The following PCDHA6 variants were observed in gnomAD, a reference collection of about 807,000 sequenced individuals.
The protein encoded by PCDHA6 is protocadherin alpha 6.
A neutral mutation model predicts 60.3 loss-of-function variants in PCDHA6; 55 were observed. The observed-to-expected ratio is 0.91, with a 90% CI of 0.73 to 1.14. The LOEUF is 1.14. PCDHA6 is among the 50% of genes most tolerant of loss of function. PCDHA6 has a pLI of 0.00. For missense variants in PCDHA6, 1,327 were observed against 1,256.5 expected (o/e 1.06, Z -0.85); for synonymous variants, 652 against 557.9 (o/e 1.17, Z -2.38).
chr5:141,004,336 G>A (rs1554259546), intron 3 of PCDHA6, among the ~76,000 whole-genome samples: 1 of 152,224 alleles, frequency 6.6e-6, no homozygotes, highest in East Asian at 1.9e-4. Flanking sequence ...AGGCACAGTG[G>A]TCTGTGAGGG....
At chr5:140,926,872 AC>A in intron 1 of PCDHA6, 1 of 1,525,488 alleles carries the variant, frequency 6.6e-7, no homozygotes, top group Non-Finnish European at 8.8e-7. Flanking sequence ...TGTTGGTGGA[AC>A]GTGGACGCCT....
At chr5:140,843,377 G>A (rs2150358675) in intron 1 of PCDHA6, 17 of 1,596,146 alleles carry the variant, frequency 1.1e-5, no homozygotes, top group Middle Eastern at 1.7e-4. Context: ...GTCGGCTGGC[G>A]TTTTGGGTCC....
intron 1 of PCDHA6, among the ~76,000 whole-genome samples, chr5:140,923,952 C>T (rs1313695833): frequency 5.9e-5 from 9 of 152,178 alleles, no homozygotes; most frequent in Non-Finnish European, 1.0e-4. Context: ...TTTCCTCACG[C>T]CCTAATCTAT....
intron 1 of PCDHA6, among the ~76,000 whole-genome samples, chr5:140,937,847 A>G (rs2091797551): frequency 6.8e-6 from 1 of 148,000 alleles, no homozygotes; most frequent in Non-Finnish European, 1.5e-5. Flanking sequence ...GGAAGGCGGA[A>G]CTTGGAGTGA....
chr5:140,848,619 G>A (rs2150415128), intron 1 of PCDHA6: 2 of 1,593,396 alleles, frequency 1.3e-6, no homozygotes, highest in Admixed American at 1.7e-5. Context: ...AGCCGAACAC[G>A]GCACCTTCGT....
intron 1 of PCDHA6, among the ~76,000 whole-genome samples, chr5:140,945,356 G>A (rs1294877669): frequency 1.1e-4 from 16 of 151,976 alleles, no homozygotes; most frequent in Non-Finnish European, 1.9e-4. Flanking sequence ...AATTAATACT[G>A]TTTAAAATGT....
At chr5:140,864,698 T>A (rs2048569561) in intron 1 of PCDHA6, 1 of 152,250 alleles carries the variant, frequency 6.6e-6, no homozygotes, top group African/African-American at 2.4e-5. Flanking sequence ...CCAGTTTAAG[T>A]TGTTGAGCTC....
chr5:140,989,949 G>A (rs551733184), intron 3 of PCDHA6, among the ~76,000 whole-genome samples: 3 of 152,064 alleles, frequency 2.0e-5, no homozygotes, highest in South Asian at 2.1e-4. Context: ...CGTTTTTCTC[G>A]GTGAGACCAA....
intron 1 of PCDHA6, among the ~76,000 whole-genome samples, chr5:140,892,929 C>T (rs1259333006): frequency 2.6e-5 from 4 of 152,174 alleles, no homozygotes; most frequent in Non-Finnish European, 5.9e-5. Flanking sequence ...TTCCCAGCCT[C>T]TGATAAGCAC....
At position 141,010,202 on chromosome 5, in the gene PCDHA6, GC is replaced by G. The variant is rs1308553255; in HGVS notation, c.*267del. 6.4e-7 allele frequency: 1 copy of G among 1,551,944 alleles called. No individual in the cohort carries two copies. The highest frequency in any genetic ancestry group is 8.7e-7 in the Non-Finnish European group (1 of 1,147,050). The stretch of plus-strand genomic sequence containing the variant: ...CAGACCCAAGTTTCCTTTCTCCTCC[GC>G]CGCAAAGGAGAGGCTTCCCAGCCCC... On this transcript the variant is annotated 3_prime_UTR_variant, in exon 4 of 4. Transcript: ENST00000529310.
rs2150170634 is a variant in PCDHA6 at position 140,829,586 on chromosome 5, G to A, written c.1495G>A (p.Val499Met). ...GTCCTACTCGCTGGTGGAGCGGCGG[G>A]TGGGCGAGCGCGCGTTGTCGAGCTA... ...LVSYSLVERR[V>M]GERALSSYIS... is the part of the protein sequence containing the mutation. The change falls in exon 1 of 4, where the codon GTG becomes ATG. Residue 499 changes from valine (V) to methionine (M), a missense_variant. By Grantham distance (21) the Val-to-Met change is conservative (BLOSUM62 1). Coordinates refer to ENST00000529310, the MANE Select transcript of PCDHA6 (RefSeq NM_018909.4). 10 of 1,612,232 alleles carry A rather than the reference G, an allele frequency of 6.2e-6. No individual in the cohort carries two copies. Among genetic ancestry groups the A allele is most frequent in the Non-Finnish European group, 7.6e-6 (9 of 1,179,786 alleles).
At chr5:140,902,066 T>C (rs2069077660) in intron 1 of PCDHA6, among the ~76,000 whole-genome samples, 1 of 152,202 alleles carries the variant, frequency 6.6e-6, no homozygotes, top group Admixed American at 6.5e-5. Flanking sequence ...GCAACTTTAC[T>C]GAATTTATTG....
chr5:140,927,402 C>G, intron 1 of PCDHA6: 1 of 1,614,128 alleles, frequency 6.2e-7, no homozygotes, highest in Non-Finnish European at 8.5e-7. Context: ...AGCACTTTCG[C>G]CTGGACATGG....
chr5:140,945,659 G>C (rs2093824580), intron 1 of PCDHA6, among the ~76,000 whole-genome samples: 1 of 152,090 alleles, frequency 6.6e-6, no homozygotes, highest in Non-Finnish European at 1.5e-5. Context: ...GCAGAATACA[G>C]CTCCCAGAAA....
rs553967078 is a variant in PCDHA6, at chr5:140,856,258, C to T, written c.2394+25773C>T. 103 of 1,598,068 alleles carry T rather than the reference C, an allele frequency of 6.4e-5. 11 individuals carry two copies. The highest frequency in any genetic ancestry group is 2.7e-4 in the Admixed American group (16 of 59,260). On this transcript the variant is annotated intron_variant, in intron 1 of 3. Transcript: ENST00000529310. Reference sequence around the variant, plus strand: ...TGTTCCGGGTGGCGTCCAAAAGACACGGGGACCTTCTGGAGGTAAATCTGC... The same window carrying T: ...TGTTCCGGGTGGCGTCCAAAAGACATGGGGACCTTCTGGAGGTAAATCTGC...
At chr5:140,836,285 A>G (rs1774338126) in intron 1 of PCDHA6, 1 of 1,613,756 alleles carries the variant, frequency 6.2e-7, no homozygotes, top group Non-Finnish European at 8.5e-7. Context: ...TCAGCACGAC[A>G]CGAGCCCTAG....
chr5:140,924,229 T>A (rs543275737), intron 1 of PCDHA6, among the ~76,000 whole-genome samples: 4 of 152,376 alleles, frequency 2.6e-5, no homozygotes, highest in African/African-American at 9.6e-5. Flanking sequence ...TCAATTTTTA[T>A]GGGCTGTTTT....
intron 1 of PCDHA6, chr5:140,928,426 TC>T (rs781827449): frequency 1.9e-6 from 3 of 1,614,134 alleles, no homozygotes; most frequent in South Asian, 2.2e-5. Context: ...TGCCAAAACT[TC>T]CTTTGACTTT....
At chr5:140,875,412 A>G in intron 1 of PCDHA6, 4 of 1,505,550 alleles carry the variant, frequency 2.7e-6, no homozygotes, top group Non-Finnish European at 3.5e-6. Context: ...CTCATAAAAT[A>G]CCTCAGGCAA....
Sources: gnomAD v4.1 joint callset for allele counts (sites outside exome capture counted in the v4.1 genomes callset) on GRCh38, gnomAD v4.1.1 for gene constraint, MANE v1.5 for transcripts, NCBI Gene and HGNC (gene_info 2026-07-23, HGNC 2026-07-21) for gene names.